KLF13: variants seen among roughly 807,000 people sequenced by gnomAD.
The protein encoded by KLF13 is Krueppel-like factor 13.
A neutral mutation model predicts 16.7 loss-of-function variants in KLF13; 8 were observed. That is an observed-to-expected ratio of 0.48 (90% confidence interval 0.28 to 0.87). The LOEUF is 0.87. Ranked by LOEUF, KLF13 falls within the 40% of genes least tolerant of loss-of-function variation. KLF13 has a pLI of 0.10. For synonymous variants in KLF13, 245 were observed against 208.4 expected (o/e 1.18, Z -1.51); for missense variants, 447 against 452.2 (o/e 0.99, Z 0.10).
At chr15:31,331,259 C>T (rs1051868283) in intron 1 of KLF13, among the ~76,000 whole-genome samples, 1 of 152,228 alleles carries the variant, frequency 6.6e-6, no homozygotes, top group African/African-American at 2.4e-5. Context: ...CGTGCCCAGC[C>T]TTCCCTCCTG....
At chr15:31,423,106 C>CGTAT (rs2040351629) in intron 1 of KLF13, among the ~76,000 whole-genome samples, 1 of 54,148 alleles carries the variant, frequency 1.8e-5, no homozygotes, top group African/African-American at 1.1e-4. Context: ...TATACGTATA[C>CGTAT]GTATACGTAT....
chr15:31,329,544 C>T (rs1254280358), intron 1 of KLF13, among the ~76,000 whole-genome samples: 2 of 152,186 alleles, frequency 1.3e-5, no homozygotes, highest in Non-Finnish European at 2.9e-5. Context: ...GGGCCTCAGC[C>T]TTGGGATGTC....
chr15:31,363,775 C>T (rs2039423124), intron 1 of KLF13, among the ~76,000 whole-genome samples: 1 of 152,252 alleles, frequency 6.6e-6, no homozygotes, highest in African/African-American at 2.4e-5. Context: ...CATGAGCCAC[C>T]ATGCCCAGCC....
At chr15:31,421,725 G>A (rs940400583) in intron 1 of KLF13, among the ~76,000 whole-genome samples, 7 of 152,030 alleles carry the variant, frequency 4.6e-5, no homozygotes, top group Non-Finnish European at 8.8e-5. Flanking sequence ...GAAAGGAAAA[G>A]GGACAAAATA....
At chr15:31,335,435 ATG>A (rs71110867) in intron 1 of KLF13, among the ~76,000 whole-genome samples, 234 of 34,928 alleles carry the variant, frequency 6.7e-3, no homozygotes, top group African/African-American at 0.016. Flanking sequence ...GTGTGTGTGT[ATG>A]TGTGTGTGTG....
intron 1 of KLF13, among the ~76,000 whole-genome samples, chr15:31,434,412 G>T (rs1028128893): frequency 5.9e-5 from 9 of 152,180 alleles, no homozygotes; most frequent in African/African-American, 2.2e-4. Flanking sequence ...CTGGGAAGAA[G>T]GGCCGGGAAC....
intron 1 of KLF13, among the ~76,000 whole-genome samples, chr15:31,339,101 G>A (rs1242651014): frequency 1.3e-5 from 2 of 152,140 alleles, no homozygotes; most frequent in African/African-American, 4.8e-5. Context: ...TTGGCTGACT[G>A]TCCCTGCTCA....
rs553874377 is a variant in KLF13, at chr15:31,328,846, T to C, written c.577+1057T>C. ...ATTGTATGCTTCCTCTGAGCTCACG[T>C]GAGTTCTTCTGTGACACTCACCTCT... On this transcript the variant is annotated intron_variant, in intron 1 of 1. Coordinates refer to ENST00000307145, the MANE Select transcript of KLF13 (RefSeq NM_015995.4). Among the ~76,000 whole-genome samples the C allele has an allele frequency of 1.0e-3, 152 of 152,296 alleles. 1 individual carries two copies. Among genetic ancestry groups the C allele is most frequent in the Middle Eastern group, 3.4e-3 (1 of 294 alleles).
intron 1 of KLF13, among the ~76,000 whole-genome samples, chr15:31,341,543 T>C (rs1296159773): frequency 6.6e-6 from 1 of 150,576 alleles, no homozygotes; most frequent in East Asian, 1.9e-4. Flanking sequence ...AGAACTTTTT[T>C]TTTTTTTTTT....
downstream of KLF13, among the ~76,000 whole-genome samples, chr15:31,378,868 T>G (rs949450050): frequency 4.6e-5 from 7 of 152,114 alleles, no homozygotes; most frequent in African/African-American, 1.7e-4. Context: ...TACAGATGTC[T>G]GCCACCACGC....
chr15:31,328,180 G>A (rs1382465239), intron 1 of KLF13, among the ~76,000 whole-genome samples: 1 of 150,016 alleles, frequency 6.7e-6, no homozygotes, highest in African/African-American at 2.4e-5. Context: ...GGCGCCCGGA[G>A]CGGGGGCAGG....
intron 1 of KLF13, among the ~76,000 whole-genome samples, chr15:31,421,536 A>G (rs1027099505): frequency 2.6e-5 from 4 of 152,204 alleles, no homozygotes; most frequent in Non-Finnish European, 5.9e-5. Flanking sequence ...AAAATTTTTT[A>G]TGTAATTGAT....
At chr15:31,403,258 G>A (rs187227346) in intron 2 of KLF13, among the ~76,000 whole-genome samples, 94 of 152,288 alleles carry the variant, frequency 6.2e-4, no homozygotes, top group African/African-American at 2.1e-3. Flanking sequence ...CAAGTCAAAG[G>A]CTACAGTGAA....
chr15:31,335,150 C>CAT lies in KLF13; in HGVS notation c.577+7363_577+7364dup, dbSNP rs147022592. Among the ~76,000 whole-genome samples, 1,006 of 152,200 alleles carry CAT rather than the reference C, an allele frequency of 6.6e-3. 34 individuals carry two copies. Among genetic ancestry groups the CAT allele is most frequent in the Admixed American group, 0.048 (731 of 15,284 alleles). ...AATGGGGGAGCATCCACACCTGGAACATAGTGGCTATGTGGAACTTCTGAT... is the reference window on the plus strand; with the variant it reads ...AATGGGGGAGCATCCACACCTGGAACATATAGTGGCTATGTGGAACTTCTGAT... On this transcript the variant is annotated intron_variant, in intron 1 of 1. Transcript: ENST00000307145.
intron 1 of KLF13, among the ~76,000 whole-genome samples, chr15:31,329,743 C>T (rs1231802117): frequency 6.6e-6 from 1 of 152,240 alleles, no homozygotes; most frequent in African/African-American, 2.4e-5. Context: ...CAGTGTGCTA[C>T]AGTGCTCGTT....
In KLF13 at chr15:31,428,700, C is replaced by T. The variant is rs112668428; in HGVS notation, n.118-6670C>T. 6.5e-3 allele frequency among the ~76,000 whole-genome samples: 902 copies of T among 138,250 alleles called. 13 individuals are homozygous for T. The highest frequency in any genetic ancestry group is 0.023 in the African/African-American group (833 of 36,886). 90.7% of individuals were successfully genotyped at this position (138,250 alleles called of 152,430 possible). ...GCGGGCGCCTGTAGTCCCAGCTACT[C>T]GGGAGGCTGAGGCAGGAGAATGGCA... On this transcript the variant is annotated intron_variant and non_coding_transcript_variant, in intron 1 of 1. Transcript: ENST00000558225.
intron 2 of KLF13, among the ~76,000 whole-genome samples, chr15:31,393,925 G>A (rs935753615): frequency 6.6e-6 from 1 of 152,144 alleles, no homozygotes; most frequent in African/African-American, 2.4e-5. Flanking sequence ...ACAGGCAGCG[G>A]CATCTGCCAA....
chr15:31,381,206 T>C (rs1229792761), downstream of KLF13, among the ~76,000 whole-genome samples: 1 of 151,884 alleles, frequency 6.6e-6, no homozygotes, highest in Non-Finnish European at 1.5e-5. Flanking sequence ...CTATTCCTGC[T>C]GTAACAAATT....
upstream of KLF13, among the ~76,000 whole-genome samples, chr15:31,388,212 T>C (rs2039815504): frequency 6.6e-6 from 1 of 152,130 alleles, no homozygotes; most frequent in Non-Finnish European, 1.5e-5. Flanking sequence ...GTTTGTTTGA[T>C]TGTTTGTTTG....
Sources: allele counts gnomAD v4.1 joint callset (sites outside exome capture counted in the v4.1 genomes callset), GRCh38; gene constraint gnomAD v4.1.1; transcripts MANE v1.5; gene names NCBI Gene and HGNC (gene_info 2026-07-23, HGNC 2026-07-21).